ST6GALNAC3: variants seen among roughly 807,000 people sequenced by gnomAD.
The protein encoded by ST6GALNAC3 is ST6 N-acetylgalactosaminide alpha-2,6-sialyltransferase 3.
A neutral mutation model predicts 32.7 loss-of-function variants in ST6GALNAC3; 25 were observed. That is an observed-to-expected ratio of 0.76 (90% CI 0.56 to 1.07). The LOEUF (loss-of-function observed/expected upper bound fraction) is 1.07, where lower values mean the gene tolerates loss of function less well. Ranked by LOEUF, ST6GALNAC3 falls within the 50% of genes least tolerant of loss-of-function variation. ST6GALNAC3 has a pLI of 0.00. For missense variants in ST6GALNAC3, 355 were observed against 382.4 expected (o/e 0.93, Z 0.60); for synonymous variants, 129 against 133.1 (o/e 0.97, Z 0.21).
intron 3 of ST6GALNAC3, among the ~76,000 whole-genome samples, chr1:76,529,500 G>T (rs1663119609): frequency 6.6e-6 from 1 of 152,108 alleles, no homozygotes; most frequent in African/African-American, 2.4e-5. Context: ...TCAGAAAAAT[G>T]GATGTACATA....
Position 76,525,791 on chromosome 1 carries a change from GTATATATA to G in ST6GALNAC3, c.624-101631_624-101624del, listed in dbSNP as rs199721572. On this transcript the variant is annotated intron_variant, in intron 3 of 4. Coordinates refer to ENST00000328299, the MANE Select transcript of ST6GALNAC3 (RefSeq NM_152996.4). ...TGTGTTTGTGTGTGTGTGTGTGTGT[GTATATATA>G]TATATATATATATATATATATATAT... is the stretch of plus-strand genomic sequence containing the variant. Among the ~76,000 whole-genome samples the G allele has an allele frequency of 6.0e-3, 452 of 75,484 alleles. 5 individuals are homozygous for G. The highest frequency in any genetic ancestry group is 0.033 in the Middle Eastern group (5 of 152). 49.5% of individuals were successfully genotyped at this position (75,484 alleles called of 152,430 possible). A position where few individuals can be genotyped will look rare whatever the true frequency, so the allele number is the denominator to read the frequency against.
chr1:76,269,933 G>T (rs1450639608), intron 1 of ST6GALNAC3, among the ~76,000 whole-genome samples: 1 of 152,006 alleles, frequency 6.6e-6, no homozygotes, highest in Non-Finnish European at 1.5e-5. Flanking sequence ...GGAGGCAGAG[G>T]TCCTCTTTTT....
intron 1 of ST6GALNAC3, among the ~76,000 whole-genome samples, chr1:76,085,055 A>C (rs918147858): frequency 8.5e-5 from 13 of 152,304 alleles, no homozygotes; most frequent in Admixed American, 7.2e-4. Context: ...GCCTATTTAC[A>C]TGCAGCTCCT....
chr1:76,533,424 T>C (rs914189925), intron 3 of ST6GALNAC3, among the ~76,000 whole-genome samples: 1 of 152,168 alleles, frequency 6.6e-6, no homozygotes, highest in Non-Finnish European at 1.5e-5. Context: ...TTTTGGGTCC[T>C]TCTTTCTGAG....
At position 76,489,087 on chromosome 1, in the gene ST6GALNAC3, G is replaced by A. The variant is rs139094820; in HGVS notation, c.623+76670G>A. Among the ~76,000 whole-genome samples, 24 of 152,186 alleles carry A rather than the reference G, an allele frequency of 1.6e-4. No individual in the cohort carries two copies. In the East Asian group the frequency reaches 1.7e-3, roughly 11 times the overall value. ...TATTATATCTCCAGTGCCTGGCATC[G>A]TACTTGGAAAAAAGTAGTTGTTTAG... On this transcript the variant is annotated intron_variant, in intron 3 of 4. Coordinates refer to ENST00000328299, the MANE Select transcript of ST6GALNAC3 (RefSeq NM_152996.4).
At chr1:76,271,099 A>T (rs1292753202) in intron 1 of ST6GALNAC3, among the ~76,000 whole-genome samples, 1 of 152,184 alleles carries the variant, frequency 6.6e-6, no homozygotes, top group African/African-American at 2.4e-5. Context: ...CCTCATATTG[A>T]TTCCTTACTT....
rs1472545640 is a variant in ST6GALNAC3 at position 76,494,468 on chromosome 1, T to TATATATACACACAC, written c.623+82052_623+82053insTATATACACACACA. ...ATATATATATATATATATATATATA[T>TATATATACACACAC]ACACACACACACACACACTTTCCCT... On this transcript the variant is annotated intron_variant, in intron 3 of 4. Transcript: ENST00000328299. Among the ~76,000 whole-genome samples the TATATATACACACAC allele has an allele frequency of 5.0e-5, 3 of 59,526 alleles. 1 individual carries two copies. Among genetic ancestry groups the TATATATACACACAC allele is most frequent in the Non-Finnish European group, 8.8e-5 (3 of 34,092 alleles). The allele number at this position is 59,526 out of a possible 152,430, so 39.1% of individuals were successfully genotyped here. A position where few individuals can be genotyped will look rare whatever the true frequency, so the allele number is the denominator to read the frequency against.
At chr1:76,467,066 C>T (rs7526478) in intron 3 of ST6GALNAC3, among the ~76,000 whole-genome samples, 42,347 of 151,642 alleles carry the variant, frequency 0.28, 8,723 homozygotes, top group African/African-American at 0.59. Context: ...GTCAAGGATT[C>T]GGAGAATTGG....
At chr1:76,516,736 A>G (rs1421644395) in intron 3 of ST6GALNAC3, among the ~76,000 whole-genome samples, 4 of 152,132 alleles carry the variant, frequency 2.6e-5, no homozygotes, top group African/African-American at 7.2e-5. Flanking sequence ...TAACAAACAA[A>G]CACAGCATAT....
At chr1:76,336,501 T>C (rs751774751) in intron 2 of ST6GALNAC3, among the ~76,000 whole-genome samples, 4 of 152,198 alleles carry the variant, frequency 2.6e-5, no homozygotes, top group Non-Finnish European at 5.9e-5. Context: ...TCTGAGCACA[T>C]TGGGCACTTC....
chr1:76,240,552 T>C (rs1178664953), intron 1 of ST6GALNAC3, among the ~76,000 whole-genome samples: 1 of 152,202 alleles, frequency 6.6e-6, no homozygotes, highest in African/African-American at 2.4e-5. Context: ...CCATTTCCAG[T>C]CTTGGCCATT....
intron 1 of ST6GALNAC3, among the ~76,000 whole-genome samples, chr1:76,101,436 G>A (rs1190824048): frequency 6.6e-6 from 1 of 152,116 alleles, no homozygotes; most frequent in Non-Finnish European, 1.5e-5. Flanking sequence ...GTTGCTCCAA[G>A]TTTTGGCACT....
chr1:76,208,958 G>A (rs1654986877), intron 1 of ST6GALNAC3, among the ~76,000 whole-genome samples: 1 of 151,992 alleles, frequency 6.6e-6, no homozygotes, highest in Non-Finnish European at 1.5e-5. Context: ...AGTTTATTTG[G>A]TCCCCAGAAA....
chr1:76,158,371 T>A (rs1226850051), intron 1 of ST6GALNAC3, among the ~76,000 whole-genome samples: 1 of 152,196 alleles, frequency 6.6e-6, no homozygotes, highest in Non-Finnish European at 1.5e-5. Context: ...AATTAACTTC[T>A]CTAGCCTAGC....
intron 2 of ST6GALNAC3, among the ~76,000 whole-genome samples, chr1:76,369,949 A>G (rs1229482207): frequency 6.6e-6 from 1 of 152,202 alleles, no homozygotes; most frequent in East Asian, 1.9e-4. Context: ...CACTAAAAGG[A>G]TGTTCTTATT....
chr1:76,385,863 A>C (rs1571049283), intron 2 of ST6GALNAC3, among the ~76,000 whole-genome samples: 1 of 152,106 alleles, frequency 6.6e-6, no homozygotes, highest in African/African-American at 2.4e-5. Context: ...TATTAATAAG[A>C]TGGGAAGAAT....
intron 2 of ST6GALNAC3, among the ~76,000 whole-genome samples, chr1:76,330,714 A>C (rs527499055): frequency 2.8e-4 from 42 of 152,322 alleles, no homozygotes; most frequent in African/African-American, 9.9e-4. Context: ...AGAAATGAAT[A>C]ATCTAAGGGA....
chr1:76,225,705 G>T (rs1272783657), intron 1 of ST6GALNAC3, among the ~76,000 whole-genome samples: 1 of 152,164 alleles, frequency 6.6e-6, no homozygotes, highest in African/African-American at 2.4e-5. Context: ...GGGGGAAATA[G>T]TTGGCTAATA....
At chr1:76,121,488 G>A (rs1358250703) in intron 1 of ST6GALNAC3, among the ~76,000 whole-genome samples, 4 of 152,090 alleles carry the variant, frequency 2.6e-5, no homozygotes, top group African/African-American at 9.7e-5. Context: ...AGGCTGAGGC[G>A]GGCAGATCAT....
Sources: allele counts gnomAD v4.1 joint callset (sites outside exome capture counted in the v4.1 genomes callset), GRCh38; gene constraint gnomAD v4.1.1; transcripts MANE v1.5; gene names NCBI Gene and HGNC (gene_info 2026-07-23, HGNC 2026-07-21).